Variants in DYRK4 observed in about 807,000 individuals in gnomAD.
The protein encoded by DYRK4 is dual specificity tyrosine phosphorylation regulated kinase 4.
DYRK4 carries 64 observed loss-of-function variants against 68.3 expected under a neutral mutation model. That is an observed-to-expected ratio of 0.94 (90% CI 0.77 to 1.15). DYRK4 has a LOEUF of 1.15. Among genes scored for constraint, DYRK4 ranks in the 50% most tolerant of loss-of-function variants. The pLI is 0.00. For missense variants in DYRK4, 740 were observed against 764.7 expected (o/e 0.97, Z 0.38); for synonymous variants, 274 against 289.9 (o/e 0.95, Z 0.56).
intron 2 of DYRK4, among the ~76,000 whole-genome samples, chr12:4,568,497 T>G (rs1242232820): frequency 6.6e-6 from 1 of 152,118 alleles, no homozygotes; most frequent in Non-Finnish European, 1.5e-5. Context: ...GCGATTCTCC[T>G]GCCTCAGCCT....
chr12:4,577,307 G>T (rs1045368302), intron 2 of DYRK4, among the ~76,000 whole-genome samples: 3 of 152,148 alleles, frequency 2.0e-5, no homozygotes, highest in Non-Finnish European at 4.4e-5. Flanking sequence ...GACCTCAAGT[G>T]ATCCTCTGGC....
Position 4,591,452 on chromosome 12 carries a change from C to A in DYRK4, c.463+154C>A. 9.2e-7 allele frequency: 1 copy of A among 1,090,590 alleles called. No individual in the cohort carries two copies. The highest frequency in any genetic ancestry group is 1.6e-5 in the African/African-American group (1 of 63,062). 67.6% of individuals were successfully genotyped at this position (1,090,590 alleles called of 1,614,324 possible). A position where few individuals can be genotyped will look rare whatever the true frequency, so the allele number is the denominator to read the frequency against. ...GGAAAGTAGAAGTTAAGCGTTGAAC[C>A]TCTGACTGTGGTAGTATAAGCAAGA... On this transcript the variant is annotated intron_variant, in intron 5 of 14. Coordinates refer to ENST00000543431, the MANE Select transcript of DYRK4 (RefSeq NM_001394779.1). The surrounding 1 kb of genome is among the most constrained non-coding windows in gnomAD (Gnocchi z 4.1).
intron 3 of DYRK4, chr12:4,589,978 T>A: frequency 5.1e-6 from 1 of 195,788 alleles, no homozygotes; most frequent in South Asian, 1.5e-4. Flanking sequence ...CAGAATACTC[T>A]CTATATATTG....
At chr12:4,574,773 A>G (rs1253527072) in intron 2 of DYRK4, among the ~76,000 whole-genome samples, 2 of 152,242 alleles carry the variant, frequency 1.3e-5, no homozygotes, top group African/African-American at 4.8e-5. Flanking sequence ...GTTGGAGCGC[A>G]GTGGTGCGAT....
chr12:4,583,160 G>A (rs183163504), intron 2 of DYRK4, among the ~76,000 whole-genome samples: 4 of 152,152 alleles, frequency 2.6e-5, no homozygotes, highest in Admixed American at 1.3e-4. Flanking sequence ...CTCCATGACC[G>A]AGGCTAGAGT....
chr12:4,597,243 A>C (rs552056563), intron 8 of DYRK4: 1 of 700,168 alleles, frequency 1.4e-6, no homozygotes, highest in South Asian at 6.4e-5. Flanking sequence ...ATTGGAGCTG[A>C]CAAGGCATGC....
intron 11 of DYRK4, among the ~76,000 whole-genome samples, chr12:4,605,754 T>TTTTTC (rs1460096782): frequency 9.9e-6 from 1 of 100,936 alleles, no homozygotes; most frequent in East Asian, 3.2e-4. Context: ...TTTTTTTTTT[T>TTTTTC]TCCAAATTAA....
intron 13 of DYRK4, among the ~76,000 whole-genome samples, chr12:4,611,162 T>C (rs1464782476): frequency 6.6e-6 from 1 of 152,236 alleles, no homozygotes; most frequent in Non-Finnish European, 1.5e-5. Flanking sequence ...AAAATACTCT[T>C]CTGGCATCTG....
chr12:4,604,808 T>C, intron 10 of DYRK4, 106 bp from the exon 11 acceptor site: 1 of 1,387,750 alleles, frequency 7.2e-7, no homozygotes, highest in Non-Finnish European at 9.5e-7. Flanking sequence ...CACTTCCCTT[T>C]CACTGCCAGC....
chr12:4,592,690 C>T, intron 5 of DYRK4: 1 of 232,486 alleles, frequency 4.3e-6, no homozygotes, highest in Non-Finnish European at 8.4e-6. Flanking sequence ...AAACTATATA[C>T]TATTGTCGAC....
intron 6 of DYRK4, among the ~76,000 whole-genome samples, chr12:4,595,161 C>G (rs1396605051): frequency 1.3e-5 from 2 of 152,212 alleles, no homozygotes; most frequent in Non-Finnish European, 2.9e-5. Flanking sequence ...ATGACAGACC[C>G]TTACAAGTAG....
intron 5 of DYRK4, chr12:4,592,532 A>G (rs1162878629): frequency 6.5e-6 from 1 of 152,692 alleles, no homozygotes; most frequent in African/African-American, 2.4e-5. Flanking sequence ...TTCCTGATCC[A>G]GCTGCAGATT....
At chr12:4,612,361 A>G (rs1392610494) in intron 13 of DYRK4, among the ~76,000 whole-genome samples, 182 bp from the exon 14 acceptor site, 1 of 152,228 alleles carries the variant, frequency 6.6e-6, no homozygotes, top group Non-Finnish European at 1.5e-5. Context: ...TTCTAAAAAG[A>G]TTATTTCCAT....
intron 5 of DYRK4, chr12:4,592,763 G>C (rs1273966091): frequency 4.7e-6 from 2 of 424,054 alleles, no homozygotes; most frequent in East Asian, 8.2e-5. Context: ...TGGGAACTGA[G>C]CTCTCTGTTC....
chr12:4,585,678 A>G (rs1944889712), intron 2 of DYRK4, among the ~76,000 whole-genome samples: 1 of 152,170 alleles, frequency 6.6e-6, no homozygotes, highest in South Asian at 2.1e-4. Context: ...ACCTAATGTA[A>G]ATGATGAGTT....
chr12:4,612,945 T>A, intron 14 of DYRK4: 1 of 466,014 alleles, frequency 2.1e-6, no homozygotes, highest in Non-Finnish European at 3.8e-6. Flanking sequence ...ACATCATGAC[T>A]AGCCTGCCAT....
intron 2 of DYRK4, among the ~76,000 whole-genome samples, chr12:4,583,262 G>A (rs114579556): frequency 0.022 from 3,273 of 152,014 alleles, 96 homozygotes; most frequent in African/African-American, 0.073. Flanking sequence ...TTTGGCTCCT[G>A]CCATTGCAAG....
intron 2 of DYRK4, among the ~76,000 whole-genome samples, chr12:4,575,323 T>TGTGTGTGTGTGTGTGTGTGTGTGTGTG (rs1944778127): frequency 5.9e-5 from 3 of 50,802 alleles, no homozygotes; most frequent in African/African-American, 2.4e-4. Flanking sequence ...GTGTGTGTGT[T>TGTGTGTGTGTGTGTGTGTGTGTGTGTG]TTCGAAACGG....
chr12:4,580,921 G>C, intron 2 of DYRK4: 2 of 455,370 alleles, frequency 4.4e-6, no homozygotes, highest in South Asian at 3.1e-5. Context: ...TTCCGAAAAG[G>C]CTGGGTGGCC....
Sources: allele counts gnomAD v4.1 joint callset (sites outside exome capture counted in the v4.1 genomes callset), GRCh38; gene constraint gnomAD v4.1.1; non-coding constraint Gnocchi (gnomAD v3.1); transcripts MANE v1.5; gene names NCBI Gene and HGNC (gene_info 2026-07-23, HGNC 2026-07-21).